KCNN1: variants seen among roughly 807,000 people sequenced by gnomAD.
KCNN1 encodes the protein small conductance calcium-activated potassium channel protein 1.
In KCNN1, 20 loss-of-function variants were observed where a neutral mutation model predicts 44.7. The ratio of observed to expected loss-of-function variants is 0.45; its 90% CI spans 0.32 to 0.65. The LOEUF (loss-of-function observed/expected upper bound fraction) is 0.65, where lower values mean the gene tolerates loss of function less well. Ranked by LOEUF, KCNN1 falls within the 30% of genes least tolerant of loss-of-function variation. The pLI is 0.05. For synonymous variants in KCNN1, 324 were observed against 341.7 expected (o/e 0.95, Z 0.57); for missense variants, 632 against 785.3 (o/e 0.80, Z 2.33).
intron 7 of KCNN1, 66 bp from the exon 8 acceptor site, chr19:17,992,988 C>T (rs371893671): frequency 1.2e-6 from 2 of 1,600,376 alleles, no homozygotes; most frequent in Non-Finnish European, 1.7e-6. Flanking sequence ...TGGGTACATG[C>T]CGAACAACTG....
intron 2 of KCNN1, among the ~76,000 whole-genome samples, chr19:17,961,369 G>A (rs757128800): frequency 2.0e-5 from 3 of 151,514 alleles, no homozygotes; most frequent in Non-Finnish European, 4.4e-5. Flanking sequence ...TTGAGCCCAG[G>A]AATATGAGAG....
rs2032858470 is a variant in KCNN1 at position 17,993,202 on chromosome 19, G to T, written c.1307+140G>T. On this transcript the variant is annotated intron_variant, in intron 8 of 9. Coordinates refer to ENST00000684775, the MANE Select transcript of KCNN1 (RefSeq NM_001386974.1). The surrounding 1 kb of genome is among the most constrained non-coding windows in gnomAD (Gnocchi z 4.5). ...ACATCTGCCCCATGGATCCGTGCAG[G>T]CTTCACCTTGGTCTGGGATCCAACT... The T allele has an allele frequency of 2.8e-6, 3 of 1,062,480 alleles. No individual in the cohort carries two copies. The highest frequency in any genetic ancestry group is 3.1e-5 in the African/African-American group (2 of 63,748). 65.8% of individuals were successfully genotyped at this position (1,062,480 alleles called of 1,614,324 possible). A position where few individuals can be genotyped will look rare whatever the true frequency, so the allele number is the denominator to read the frequency against.
rs1173442572 is a variant in KCNN1 at position 17,973,981 on chromosome 19, C to T, written c.93C>T (p.Gly31=). 3.2e-6 allele frequency: 5 copies of T among 1,573,478 alleles called. No homozygotes were observed. The East Asian group carries it at 9.3e-5, about 29-fold the overall frequency. Residue 31 remains glycine (G), a synonymous_variant, in exon 2 of 10, where the codon GGC becomes GGT. Coordinates refer to ENST00000684775, the MANE Select transcript of KCNN1 (RefSeq NM_001386974.1). ...LGRDPPDPEA[G]HPPQPPHSPG... ...GAGACCCTCCGGACCCTGAGGCCGGCCACCCCCCACAACCCCCGCACAGCC... is the reference window on the plus strand; with the variant it reads ...GAGACCCTCCGGACCCTGAGGCCGGTCACCCCCCACAACCCCCGCACAGCC...
upstream of KCNN1, among the ~76,000 whole-genome samples, chr19:17,963,536 G>C (rs1209349942): frequency 6.6e-6 from 1 of 151,808 alleles, no homozygotes; most frequent in Admixed American, 6.6e-5. Context: ...GGTTGGTCTC[G>C]AACTCCTGAC....
At chr19:17,981,411 G>A (rs2032399531) in intron 3 of KCNN1, among the ~76,000 whole-genome samples, 1 of 151,986 alleles carries the variant, frequency 6.6e-6, no homozygotes, top group Admixed American at 6.6e-5. Context: ...AATTAGCCAG[G>A]TGTGGTGGGG....
At chr19:17,976,110 G>T (rs890669090) in intron 3 of KCNN1, among the ~76,000 whole-genome samples, 5 of 152,120 alleles carry the variant, frequency 3.3e-5, no homozygotes, top group Non-Finnish European at 7.3e-5. Context: ...GGGGTCAGGA[G>T]TTCAAGACCA....
chr19:17,982,364 G>A (rs2145947421), intron 4 of KCNN1, among the ~76,000 whole-genome samples: 1 of 152,094 alleles, frequency 6.6e-6, no homozygotes, highest in Admixed American at 6.5e-5. Context: ...AGGGACCCCA[G>A]CTCCCTCTCC....
chr19:17,976,680 G>C (rs1179213829), intron 3 of KCNN1, among the ~76,000 whole-genome samples: 5 of 151,072 alleles, frequency 3.3e-5, no homozygotes, highest in African/African-American at 1.2e-4. Context: ...GGCCTCCCAA[G>C]GTGCTGGGAT....
chr19:17,992,571 C>T (rs916666616), intron 7 of KCNN1, among the ~76,000 whole-genome samples: 1 of 152,062 alleles, frequency 6.6e-6, no homozygotes, highest in Admixed American at 6.5e-5. Flanking sequence ...ACTGCACTCC[C>T]GCCTGGGTGA....
chr19:17,980,140 T>A (rs2032350603), intron 3 of KCNN1, among the ~76,000 whole-genome samples: 2 of 149,080 alleles, frequency 1.3e-5, no homozygotes, highest in Non-Finnish European at 3.0e-5. Context: ...CTTGGCTCAC[T>A]GCAACCTCTG....
Position 17,988,458 on chromosome 19 carries a change from A to C in KCNN1, c.1103A>C (p.Lys368Thr). The change falls in exon 6 of 10, where the codon AAG becomes ACG. Residue 368 changes from lysine (K) to threonine (T), a missense_variant. Lys to Thr is a moderately conservative substitution (Grantham distance 78). This residue lies in a region of KCNN1 where 237 missense variants were observed against 253.0 expected (regional missense o/e 0.94). Transcript: ENST00000684775. ...CTCGTGGTGGCTGTGGTGGCTCGGA[A>C]GCTGGAGCTCACCAAGGCTGAGAAG... ...TALVVAVVAR[K>T]LELTKAEKHV... 6.2e-7 allele frequency: 1 copy of C among 1,613,658 alleles called. No individual in the cohort carries two copies. The highest frequency in any genetic ancestry group is 8.5e-7 in the Non-Finnish European group (1 of 1,179,918).
rs1009979872 is a variant in KCNN1, at chr19:17,973,827, C to T, written c.-62C>T. On this transcript the variant is annotated 5_prime_UTR_variant, in exon 2 of 10. Transcript: ENST00000684775. ...TTGCAGGTCAGTGCAGGAGCCCAGC[C>T]GCTGAGCCATGCCGGGCCCCGGGCG... 7.8e-6 allele frequency: 12 copies of T among 1,531,490 alleles called. No homozygotes were observed. Among genetic ancestry groups the T allele is most frequent in the South Asian group, 4.8e-5 (4 of 82,678 alleles). The allele number at this position is 1,531,490 out of a possible 1,614,324, so 94.9% of individuals were successfully genotyped here.
upstream of KCNN1, chr19:17,967,103 G>C (rs1347677511): frequency 1.7e-5 from 17 of 979,854 alleles, no homozygotes; most frequent in East Asian, 4.6e-4. Flanking sequence ...CTCCCGGCCC[G>C]GGCGGGCGCT....
In KCNN1 at chr19:17,989,819, G is replaced by GT. The variant is rs759296899; in HGVS notation, c.1275dup (p.Lys426Ter). The GT allele has an allele frequency of 6.2e-7, 1 of 1,613,698 alleles. No individual in the cohort carries two copies. Among genetic ancestry groups the GT allele is most frequent in the African/African-American group, 1.3e-5 (1 of 75,012 alleles). ...CAAGCCCGGGTTCGGAAACACCAGC[G>GT]TAAGTTCCTCCAAGCCATCCATCAG... On this transcript the variant is annotated frameshift_variant, in exon 7 of 10. Coordinates refer to ENST00000684775, the MANE Select transcript of KCNN1 (RefSeq NM_001386974.1). LOFTEE classifies it high-confidence loss of function.
At position 17,999,364 on chromosome 19, in the gene KCNN1, G is replaced by T; in HGVS notation, c.*958G>T. On this transcript the variant is annotated 3_prime_UTR_variant, in exon 10 of 10. Transcript: ENST00000684775. ...GAGGTCAGGAGTTCAAGACCAGCCT[G>T]GGCAACATGGTGAAACCCTGTCTCT... The T allele has an allele frequency of 6.5e-6, 1 of 152,804 alleles. No homozygotes were observed. The highest frequency in any genetic ancestry group is 1.9e-4 in the East Asian group (1 of 5,190). The allele number at this position is 152,804 out of a possible 1,614,324, so 9.5% of individuals were successfully genotyped here.
At chr19:17,966,019 GCCTGCCTTCCTT>G (rs1247249729), upstream of KCNN1, among the ~76,000 whole-genome samples, 5,785 of 130,866 alleles carry the variant, frequency 0.044, 117 homozygotes, top group Non-Finnish European at 0.053. Context: ...CTGCCTGCCT[GCCTGCCTTCCTT>G]CCTTCCTTCC....
chr19:17,966,001 C>A, upstream of KCNN1, among the ~76,000 whole-genome samples: 1 of 110,322 alleles, frequency 9.1e-6, no homozygotes, highest in Non-Finnish European at 1.9e-5. Context: ...TCATGCCTGC[C>A]TGCCTGCCTG....
chr19:17,970,289 ATTTTTTTTTTT>A (rs71164333), intron 1 of KCNN1, among the ~76,000 whole-genome samples: 17 of 56,916 alleles, frequency 3.0e-4, no homozygotes, highest in East Asian at 6.0e-4. Flanking sequence ...AGAAGGAATG[ATTTTTTTTTTT>A]TTTTTTTTTT....
chr19:17,994,174 A>G (rs932648229), intron 9 of KCNN1, among the ~76,000 whole-genome samples: 1 of 151,956 alleles, frequency 6.6e-6, no homozygotes, highest in African/African-American at 2.4e-5. Flanking sequence ...GCTGGGTTCA[A>G]TGGGTCATGC....
Sources: gnomAD v4.1 joint callset for allele counts (sites outside exome capture counted in the v4.1 genomes callset) on GRCh38, gnomAD v4.1.1 for gene constraint, gnomAD v4.1.1 regional missense constraint, Gnocchi (gnomAD v3.1) non-coding constraint, MANE v1.5 for transcripts, NCBI Gene and HGNC (gene_info 2026-07-23, HGNC 2026-07-21) for gene names.